CNTN5: variants seen among roughly 807,000 people sequenced by gnomAD.
CNTN5 encodes the protein contactin 5, also known as contactin-5.
A neutral mutation model predicts 129.1 loss-of-function variants in CNTN5; 77 were observed. That is an observed-to-expected ratio of 0.60 (90% confidence interval 0.50 to 0.72). The LOEUF is 0.72. CNTN5 is among the 30% of genes least tolerant of loss of function. The probability of loss-of-function intolerance (pLI) is 0.00; values close to 1 mark genes in which losing one functional copy is unlikely to be tolerated. For synonymous variants in CNTN5, 509 were observed against 465.6 expected, an observed-to-expected ratio of 1.09 and a Z score of -1.20; for missense variants, 1,478 against 1,328.8, an observed-to-expected ratio of 1.11 and a Z score of -1.75.
intron 3 of CNTN5, among the ~76,000 whole-genome samples, chr11:99,692,568 CT>C (rs985648702): frequency 3.3e-5 from 5 of 152,024 alleles, no homozygotes; most frequent in Admixed American, 3.3e-4. Context: ...CCCTCAATCT[CT>C]TCTGGTTTGT....
At chr11:99,699,532 C>A (rs900308592) in intron 3 of CNTN5, among the ~76,000 whole-genome samples, 2 of 151,288 alleles carry the variant, frequency 1.3e-5, no homozygotes, top group Non-Finnish European at 3.0e-5. Context: ...AATGAATAAA[C>A]AATACTCTGA....
chr11:99,139,111 C>T (rs796562397), intron 1 of CNTN5, among the ~76,000 whole-genome samples: 4,869 of 34,740 alleles, frequency 0.14, 148 homozygotes, highest in East Asian at 0.36. Context: ...ACCCCCCCCC[C>T]CCAAAAATTA....
intron 3 of CNTN5, among the ~76,000 whole-genome samples, chr11:99,688,447 G>C (rs531588672): frequency 8.5e-5 from 13 of 152,262 alleles, no homozygotes; most frequent in Admixed American, 8.5e-4. Flanking sequence ...TATTTACAAA[G>C]TCTTACAACA....
chr11:100,280,525 G>GCA (rs1321957698), intron 18 of CNTN5, among the ~76,000 whole-genome samples: 1 of 151,760 alleles, frequency 6.6e-6, no homozygotes, highest in Non-Finnish European at 1.5e-5. Flanking sequence ...ATTTCCACTG[G>GCA]CATGAAATAT....
chr11:100,271,821 G>T (rs546854184), intron 18 of CNTN5, among the ~76,000 whole-genome samples: 2 of 152,238 alleles, frequency 1.3e-5, no homozygotes, highest in African/African-American at 4.8e-5. Context: ...CTGATAAAAG[G>T]TTTCTAATGA....
chr11:99,594,757 C>G (rs1288735438), intron 3 of CNTN5, among the ~76,000 whole-genome samples: 1 of 152,152 alleles, frequency 6.6e-6, no homozygotes, highest in Non-Finnish European at 1.5e-5. Flanking sequence ...TCAGTACAAC[C>G]CTGTAAGTGG....
chr11:100,082,635 A>C (rs1299832275), intron 13 of CNTN5, among the ~76,000 whole-genome samples: 6 of 152,120 alleles, frequency 3.9e-5, no homozygotes, highest in Non-Finnish European at 8.8e-5. Context: ...GTACTTAAGG[A>C]CAATGATAAA....
In CNTN5 at chr11:99,738,485, T is replaced by G. The variant is rs142194282; in HGVS notation, c.56-81059T>G. On this transcript the variant is annotated intron_variant, in intron 3 of 24. Coordinates refer to ENST00000524871, the MANE Select transcript of CNTN5 (RefSeq NM_014361.4). ...TGGTCCAAGAGAGCTTTTAGACAAA[T>G]TGATGTCCAGTTCATTTCAGGATAA... Among the ~76,000 whole-genome samples the G allele has an allele frequency of 2.0e-5, 3 of 152,150 alleles. No homozygotes were observed. The South Asian group carries it at 6.2e-4, about 31-fold the overall frequency.
chr11:99,157,473 G>A (rs1281050273), intron 1 of CNTN5, among the ~76,000 whole-genome samples: 3 of 151,626 alleles, frequency 2.0e-5, no homozygotes, highest in Non-Finnish European at 4.4e-5. Flanking sequence ...GCTCATTTTT[G>A]GTATACACAT....
At chr11:99,236,940 T>C (rs2135745202) in intron 1 of CNTN5, among the ~76,000 whole-genome samples, 1 of 152,274 alleles carries the variant, frequency 6.6e-6, no homozygotes, top group South Asian at 2.1e-4. Flanking sequence ...ATTTTAATTT[T>C]CTGCATAATT....
intron 1 of CNTN5, among the ~76,000 whole-genome samples, chr11:99,309,148 T>C (rs767891540): frequency 4.6e-5 from 7 of 151,760 alleles, no homozygotes; most frequent in Admixed American, 2.0e-4. Flanking sequence ...AATAATCTTA[T>C]CACTTTTTAT....
In CNTN5 at chr11:99,551,142, A is replaced by C. The variant is rs184937522; in HGVS notation, c.-70-5003A>C. Among the ~76,000 whole-genome samples the C allele has an allele frequency of 5.3e-5, 8 of 152,296 alleles. No homozygotes were observed. In the East Asian group the frequency reaches 1.5e-3, roughly 29 times the overall value. Reference sequence around the variant, plus strand: ...GATGCAACACAGGCACTATTTATACACTGCAGTTTCCTGTGATGCTGAGTT... The same window carrying C: ...GATGCAACACAGGCACTATTTATACCCTGCAGTTTCCTGTGATGCTGAGTT... On this transcript the variant is annotated intron_variant, in intron 2 of 24. Coordinates refer to ENST00000524871, the MANE Select transcript of CNTN5 (RefSeq NM_014361.4).
chr11:99,082,026 C>G (rs189773875), intron 1 of CNTN5, among the ~76,000 whole-genome samples: 2 of 152,148 alleles, frequency 1.3e-5, no homozygotes, highest in East Asian at 3.9e-4. Context: ...GTTTGCAATT[C>G]TAAACTAACT....
intron 2 of CNTN5, among the ~76,000 whole-genome samples, chr11:99,519,718 T>C (rs189601141): frequency 5.2e-4 from 79 of 152,194 alleles, no homozygotes; most frequent in African/African-American, 1.8e-3. Flanking sequence ...TGCATAAAAA[T>C]ATACATTTCA....
intron 8 of CNTN5, among the ~76,000 whole-genome samples, chr11:99,996,640 T>G (rs1259293842): frequency 2.6e-5 from 4 of 152,196 alleles, no homozygotes; most frequent in Admixed American, 6.5e-5. Context: ...TGTATTAGTC[T>G]GTTTTCACAC....
At chr11:99,985,965 T>G (rs1565756277) in intron 8 of CNTN5, among the ~76,000 whole-genome samples, 2 of 152,326 alleles carry the variant, frequency 1.3e-5, no homozygotes, top group South Asian at 4.1e-4. Context: ...AATCTTGTGA[T>G]TATCAATTAT....
chr11:99,390,684 T>C (rs865875953), intron 2 of CNTN5, among the ~76,000 whole-genome samples: 3 of 152,148 alleles, frequency 2.0e-5, no homozygotes, highest in Non-Finnish European at 2.9e-5. Flanking sequence ...TGTTATTCGT[T>C]CTTAAATAAA....
chr11:100,052,863 T>C (rs1356719783), intron 9 of CNTN5, among the ~76,000 whole-genome samples: 2 of 151,732 alleles, frequency 1.3e-5, no homozygotes, highest in Non-Finnish European at 3.0e-5. Flanking sequence ...GGCATAAAGA[T>C]AGGCTTATAG....
chr11:100,337,431 G>A (rs1379050858), intron 21 of CNTN5: 5 of 755,882 alleles, frequency 6.6e-6, no homozygotes, highest in Middle Eastern at 3.6e-4. Context: ...CAGCCTCCCT[G>A]TGGCCCAAAA....
Sources: gnomAD v4.1 joint callset for allele counts (sites outside exome capture counted in the v4.1 genomes callset) on GRCh38, gnomAD v4.1.1 for gene constraint, MANE v1.5 for transcripts, NCBI Gene and HGNC (gene_info 2026-07-23, HGNC 2026-07-21) for gene names.